Variants in KLHL36 observed in about 807,000 individuals in gnomAD.
KLHL36 encodes kelch-like protein 36.
A neutral mutation model predicts 53.3 loss-of-function variants in KLHL36; 35 were observed. That is an observed-to-expected ratio of 0.66 (90% CI 0.50 to 0.87). The LOEUF is 0.87. KLHL36 is among the 40% of genes least tolerant of loss of function. The pLI, the probability that KLHL36 is intolerant of heterozygous loss-of-function variation, is 0.00. For synonymous variants in KLHL36, 472 were observed against 398.9 expected (o/e 1.18, Z -2.18); for missense variants, 864 against 897.6 (o/e 0.96, Z 0.48).
intron 2 of KLHL36, among the ~76,000 whole-genome samples, chr16:84,655,015 C>T (rs1907118904): frequency 6.6e-6 from 1 of 152,168 alleles, no homozygotes; most frequent in South Asian, 2.1e-4. Flanking sequence ...ATTTAAAAGC[C>T]CGGTGTAGGC....
At chr16:84,650,314 C>T (rs569718778) in intron 1 of KLHL36, among the ~76,000 whole-genome samples, 9 of 152,242 alleles carry the variant, frequency 5.9e-5, no homozygotes, top group African/African-American at 2.2e-4. Flanking sequence ...TACTCTCGAA[C>T]CCGGGCCTCA....
In KLHL36 at chr16:84,656,873, A is replaced by G. The variant is rs377513466; in HGVS notation, c.66A>G (p.Val22=). The G allele has an allele frequency of 5.0e-6, 8 of 1,602,784 alleles. No homozygotes were observed. In the South Asian group the frequency reaches 6.6e-5, roughly 13 times the overall value. ...RPYKISESSK[V]YRWADHSSTV... ...TCTAATGTGTCTTCTCTGTCCAGGTATACCGCTGGGCCGACCACTCAAGCA... is the reference window on the plus strand; with the variant it reads ...TCTAATGTGTCTTCTCTGTCCAGGTGTACCGCTGGGCCGACCACTCAAGCA... Residue 22 remains valine, a splice_region_variant and synonymous_variant, in exon 3 of 5, where the codon GTA becomes GTG. Transcript: ENST00000564996.
At chr16:84,654,090 C>G (rs1426702442) in intron 2 of KLHL36, among the ~76,000 whole-genome samples, 1 of 152,152 alleles carries the variant, frequency 6.6e-6, no homozygotes, top group African/African-American at 2.4e-5. Context: ...CCCCTGGGCT[C>G]TTTCCCTTTT....
chr16:84,650,684 A>T (rs373131148), intron 1 of KLHL36, among the ~76,000 whole-genome samples, 168 bp from the exon 2 acceptor site: 1 of 151,960 alleles, frequency 6.6e-6, no homozygotes, highest in South Asian at 2.1e-4. Flanking sequence ...CAACCCGATG[A>T]TTTCTCAACT....
Position 84,657,471 on chromosome 16 carries a change from C to A in KLHL36, c.664C>A (p.Pro222Thr). The A allele has an allele frequency of 6.2e-7, 1 of 1,606,892 alleles. No homozygotes were observed. Among genetic ancestry groups the A allele is most frequent in the Non-Finnish European group, 8.5e-7 (1 of 1,179,868 alleles). ...CGCCCTGCAGTGGCTGACGCAGCAGCCCGAGCGCGAGGCCCACGCCCGCCA... is the reference window on the plus strand; with the variant it reads ...CGCCCTGCAGTGGCTGACGCAGCAGACCGAGCGCGAGGCCCACGCCCGCCA... ...QAALQWLTQQ[P>T]EREAHARQVL... is the part of the protein sequence containing the mutation. The change falls in exon 3 of 5, where the codon CCC (proline) becomes ACC (threonine). Residue 222 changes from proline (P) to threonine (T), a missense_variant. Physicochemically the swap from Pro to Thr is conservative, Grantham distance 38. Coordinates refer to ENST00000564996, the MANE Select transcript of KLHL36 (RefSeq NM_024731.4).
In KLHL36 at chr16:84,665,561, A is replaced by G. The variant is rs1429054433; in HGVS notation, c.*3428A>G. On this transcript the variant is annotated 3_prime_UTR_variant, in exon 5 of 5. Coordinates refer to ENST00000564996, the MANE Select transcript of KLHL36 (RefSeq NM_024731.4). ...ATTGTTCTGCCATTTTATTGAGGCT[A>G]TCAAGTGGGACTTCAGACCTGGCTC... is the stretch of plus-strand genomic sequence containing the variant. 1 of 152,208 alleles carries G rather than the reference A, an allele frequency of 6.6e-6. No individual in the cohort carries two copies. Among genetic ancestry groups the G allele is most frequent in the East Asian group, 1.9e-4 (1 of 5,200 alleles). The allele number at this position is 152,208 out of a possible 1,614,324, so 9.4% of individuals were successfully genotyped here. A position where few individuals can be genotyped will look rare whatever the true frequency, so the allele number is the denominator to read the frequency against.
rs71386863 is a variant in KLHL36 at position 84,666,295 on chromosome 16, C to T, written c.*4162C>T. The T allele has an allele frequency of 0.094, 14,379 of 152,272 alleles. 1,090 individuals are homozygous for T. Among genetic ancestry groups the T allele is most frequent in the East Asian group, 0.37 (1,937 of 5,186 alleles). The allele number at this position is 152,272 out of a possible 1,614,324, so 9.4% of individuals were successfully genotyped here. A position where few individuals can be genotyped will look rare whatever the true frequency, so the allele number is the denominator to read the frequency against. ...ATTTGTGCTGGACAACAAATGGCAGCACCAGGACCTCGCCTCATGTGGCTT... is the reference window on the plus strand; with the variant it reads ...ATTTGTGCTGGACAACAAATGGCAGTACCAGGACCTCGCCTCATGTGGCTT... On this transcript the variant is annotated 3_prime_UTR_variant, in exon 5 of 5. Coordinates refer to ENST00000564996, the MANE Select transcript of KLHL36 (RefSeq NM_024731.4).
At position 84,662,565 on chromosome 16, in the gene KLHL36, A is replaced by G. The variant is rs2034493696; in HGVS notation, c.*432A>G. 1.3e-5 allele frequency: 2 copies of G among 156,454 alleles called. No homozygotes were observed. The highest frequency in any genetic ancestry group is 2.8e-5 in the Non-Finnish European group (2 of 70,942). The allele number at this position is 156,454 out of a possible 1,614,324, so 9.7% of individuals were successfully genotyped here. A position where few individuals can be genotyped will look rare whatever the true frequency, so the allele number is the denominator to read the frequency against. On this transcript the variant is annotated 3_prime_UTR_variant, in exon 5 of 5. Transcript: ENST00000564996. ...TACAGATGCGTGAGCCCCGCTCAGAATTATGGAATCCAAAACCACCAGGAA... is the reference window on the plus strand; with the variant it reads ...TACAGATGCGTGAGCCCCGCTCAGAGTTATGGAATCCAAAACCACCAGGAA...
chr16:84,649,537 G>A (rs1906701625), intron 1 of KLHL36, among the ~76,000 whole-genome samples: 2 of 152,150 alleles, frequency 1.3e-5, no homozygotes, highest in Non-Finnish European at 2.9e-5. Flanking sequence ...GGTGGGCACC[G>A]CACCAACGCT....
chr16:84,662,644 G>T lies in KLHL36; in HGVS notation c.*511G>T, dbSNP rs1907627025. The T allele has an allele frequency of 6.5e-6, 1 of 153,666 alleles. No homozygotes were observed. Among genetic ancestry groups the T allele is most frequent in the Non-Finnish European group, 1.4e-5 (1 of 69,060 alleles). The allele number at this position is 153,666 out of a possible 1,614,324, so 9.5% of individuals were successfully genotyped here. A position where few individuals can be genotyped will look rare whatever the true frequency, so the allele number is the denominator to read the frequency against. On this transcript the variant is annotated 3_prime_UTR_variant, in exon 5 of 5. Coordinates refer to ENST00000564996, the MANE Select transcript of KLHL36 (RefSeq NM_024731.4). Reference sequence around the variant, plus strand: ...ATTTTAACTAGTTCTTGGAATTCTGGGTATTAGTCACATCTGGGAATCACT... The same window carrying T: ...ATTTTAACTAGTTCTTGGAATTCTGTGTATTAGTCACATCTGGGAATCACT...
chr16:84,654,490 A>G (rs1387852746), intron 2 of KLHL36, among the ~76,000 whole-genome samples: 11 of 152,246 alleles, frequency 7.2e-5, no homozygotes, highest in Admixed American at 7.2e-4. Flanking sequence ...TCTACAAAAA[A>G]TAAAAGTAAA....
Position 84,659,826 on chromosome 16 carries a change from A to G in KLHL36, c.1204A>G (p.Ile402Val), listed in dbSNP as rs1382399480. The G allele has an allele frequency of 1.2e-6, 2 of 1,614,188 alleles. No homozygotes were observed. Among genetic ancestry groups the G allele is most frequent in the East Asian group, 2.2e-5 (1 of 44,878 alleles). The change falls in exon 4 of 5, where the codon ATC (isoleucine) becomes GTC (valine). Residue 402 changes from isoleucine to valine, a missense_variant. Coordinates refer to ENST00000564996, the MANE Select transcript of KLHL36 (RefSeq NM_024731.4). Reference sequence around the variant, plus strand: ...CTCCATCGAAGACATGCTGGTGGCCATCGGCGGCCGGAATGAGAACGGAGC... The same window carrying G: ...CTCCATCGAAGACATGCTGGTGGCCGTCGGCGGCCGGAATGAGAACGGAGC... ...LASIEDMLVA[I>V]GGRNENGALS...
Position 84,665,764 on chromosome 16 carries a change from T to TGTTCACCTGTGTACCTGTG in KLHL36, c.*3642_*3643insTACCTGTGGTTCACCTGTG. ...GGGGCCTACTTTGTGAGCTCAGTTG[T>TGTTCACCTGTGTACCTGTG]GTTCACCTGTGGTTCAGTGTACCTC... On this transcript the variant is annotated 3_prime_UTR_variant, in exon 5 of 5. Transcript: ENST00000564996. 1 of 152,384 alleles carries TGTTCACCTGTGTACCTGTG rather than the reference T, an allele frequency of 6.6e-6. No individual in the cohort carries two copies. Among genetic ancestry groups the TGTTCACCTGTGTACCTGTG allele is most frequent in the South Asian group, 2.1e-4 (1 of 4,830 alleles). 9.4% of individuals were successfully genotyped at this position (152,384 alleles called of 1,614,324 possible).
chr16:84,654,091 T>C (rs748179773), intron 2 of KLHL36, among the ~76,000 whole-genome samples: 1 of 152,200 alleles, frequency 6.6e-6, no homozygotes, highest in Non-Finnish European at 1.5e-5. Context: ...CCCTGGGCTC[T>C]TTCCCTTTTG....
chr16:84,661,375 G>GTCCA lies in KLHL36; in HGVS notation c.1296-203_1296-202insTCCA. 6.6e-6 allele frequency among the ~76,000 whole-genome samples: 1 copy of GTCCA among 152,306 alleles called. No homozygotes were observed. The highest frequency in any genetic ancestry group is 1.9e-4 in the East Asian group (1 of 5,180). On this transcript the variant is annotated intron_variant, in intron 4 of 4. Coordinates refer to ENST00000564996, the MANE Select transcript of KLHL36 (RefSeq NM_024731.4). This position sits in a 1 kb window ranked among gnomAD's most constrained non-coding sequence, Gnocchi z 7.9. ...GGGTTCTGGCCCAGGCGGCCTGACT[G>GTCCA]CAAAGCTGTCCACTTCCCCGCCCTG...
At position 84,663,741 on chromosome 16, in the gene KLHL36, C is replaced by T. The variant is rs976040494; in HGVS notation, c.*1608C>T. ...AAAAAATCTTAGTTAACTTTAATTT[C>T]CATTTCTTCTGCTTCTTTGCTGCCC... On this transcript the variant is annotated 3_prime_UTR_variant, in exon 5 of 5. Coordinates refer to ENST00000564996, the MANE Select transcript of KLHL36 (RefSeq NM_024731.4). 6.6e-6 allele frequency: 1 copy of T among 152,290 alleles called. No homozygotes were observed. Among genetic ancestry groups the T allele is most frequent in the Non-Finnish European group, 1.5e-5 (1 of 68,084 alleles). 9.4% of individuals were successfully genotyped at this position (152,290 alleles called of 1,614,324 possible).
chr16:84,651,183 T>G (rs1906852331), intron 2 of KLHL36, among the ~76,000 whole-genome samples: 1 of 152,168 alleles, frequency 6.6e-6, no homozygotes, highest in South Asian at 2.1e-4. Context: ...AGCTTTCTTT[T>G]TGTGACAACT....
rs1321032256 is a variant in KLHL36 at position 84,657,912 on chromosome 16, A to G, written c.1105A>G (p.Arg369Gly). 1.3e-6 allele frequency: 2 copies of G among 1,537,862 alleles called. No individual in the cohort carries two copies. Among genetic ancestry groups the G allele is most frequent in the Non-Finnish European group, 1.8e-6 (2 of 1,142,176 alleles). The change falls in exon 3 of 5, where the codon AGG becomes GGG. Residue 369 changes from arginine (R) to glycine (G), a missense_variant. Coordinates refer to ENST00000564996, the MANE Select transcript of KLHL36 (RefSeq NM_024731.4). The stretch of plus-strand genomic sequence containing the variant: ...GGATGCGGCCTCCAATCTTCTTTAT[A>G]GGTATGACCCCCGCTGTAAACAGTG... Reference protein sequence around the residue: ...GGDAASNLLYRYDPRCKQWIK... With the variant: ...GGDAASNLLYGYDPRCKQWIK...
Position 84,662,135 on chromosome 16 carries a change from C to T in KLHL36, c.*2C>T. On this transcript the variant is annotated 3_prime_UTR_variant, in exon 5 of 5. Transcript: ENST00000564996. ...AGGCACCAGGACCGGGGCCAGTGAC[C>T]CTAGCTGCGCCTCTTGGGACCATCC... 1 of 1,516,778 alleles carries T rather than the reference C, an allele frequency of 6.6e-7. No individual in the cohort carries two copies. Among genetic ancestry groups the T allele is most frequent in the African/African-American group, 1.4e-5 (1 of 73,628 alleles). 94.0% of individuals were successfully genotyped at this position (1,516,778 alleles called of 1,614,324 possible).
Sources: allele counts gnomAD v4.1 joint callset (sites outside exome capture counted in the v4.1 genomes callset), GRCh38; gene constraint gnomAD v4.1.1; non-coding constraint Gnocchi (gnomAD v3.1); transcripts MANE v1.5; gene names NCBI Gene and HGNC (gene_info 2026-07-23, HGNC 2026-07-21).